ADD2: variants seen among roughly 807,000 people sequenced by gnomAD.
ADD2 encodes the protein beta-adducin.
ADD2 carries 23 observed loss-of-function variants against 83.0 expected under a neutral mutation model. The observed-to-expected ratio is 0.28, with a 90% CI of 0.20 to 0.39. The LOEUF (loss-of-function observed/expected upper bound fraction) is 0.39. ADD2 is among the 10% of genes least tolerant of loss of function. ADD2 has a pLI of 1.00. For missense variants in ADD2, 758 were observed against 944.9 expected, an observed-to-expected ratio of 0.80 and a Z score of 2.59; for synonymous variants, 375 against 375.4, an observed-to-expected ratio of 1.00 and a Z score of 0.01.
intron 1 of ADD2, among the ~76,000 whole-genome samples, chr2:70,743,138 G>A (rs1255987056): frequency 6.6e-6 from 1 of 152,150 alleles, no homozygotes; most frequent in Non-Finnish European, 1.5e-5. Context: ...AGACTGGTCA[G>A]CGTCCATAGC....
At chr2:70,716,204 G>A (rs1672458976) in intron 1 of ADD2, among the ~76,000 whole-genome samples, 1 of 152,020 alleles carries the variant, frequency 6.6e-6, no homozygotes, top group South Asian at 2.1e-4. Context: ...ATGCCCAGCT[G>A]GGAGCTGTGC....
rs1413479148 is a variant in ADD2 at position 70,659,839 on chromosome 2, TCTC to T, written c.*3583_*3585del. 1 of 152,290 alleles carries T rather than the reference TCTC, an allele frequency of 6.6e-6. No individual in the cohort carries two copies. Among genetic ancestry groups the T allele is most frequent in the Non-Finnish European group, 1.5e-5 (1 of 68,132 alleles). 9.4% of individuals were successfully genotyped at this position (152,290 alleles called of 1,614,324 possible). A position where few individuals can be genotyped will look rare whatever the true frequency, so the allele number is the denominator to read the frequency against. On this transcript the variant is annotated 3_prime_UTR_variant, in exon 16 of 16. Transcript: ENST00000264436. ...GAAACCACTAATCCTTCTTGTCCTC[TCTC>T]CTCCTGCCTGCCTTGCGATGGAAAT... is the stretch of plus-strand genomic sequence containing the variant.
intron 4 of ADD2, 108 bp from the exon 5 acceptor site, chr2:70,696,504 C>A: frequency 1.4e-6 from 2 of 1,431,380 alleles, no homozygotes; most frequent in Non-Finnish European, 1.9e-6. Context: ...CAGGAGACTT[C>A]CCCAGGCAGG....
intron 1 of ADD2, among the ~76,000 whole-genome samples, chr2:70,761,328 G>C (rs1241920277): frequency 6.6e-6 from 1 of 151,198 alleles, no homozygotes; most frequent in Non-Finnish European, 1.5e-5. Context: ...AGAAATTAAA[G>C]CTGGGCACAG....
intron 15 of ADD2, among the ~76,000 whole-genome samples, chr2:70,666,124 T>A (rs1417604957): frequency 6.6e-6 from 1 of 152,240 alleles, no homozygotes; most frequent in Non-Finnish European, 1.5e-5. Context: ...CACACTTGTT[T>A]TTTATGCCTA....
intron 7 of ADD2, among the ~76,000 whole-genome samples, chr2:70,691,407 T>C (rs1294363612): frequency 3.9e-5 from 6 of 152,078 alleles, no homozygotes. Context: ...AGAGGCCCAT[T>C]GAAAAGTCCC....
chr2:70,744,784 G>C (rs1674096355), intron 1 of ADD2, among the ~76,000 whole-genome samples: 1 of 152,280 alleles, frequency 6.6e-6, no homozygotes, highest in Middle Eastern at 3.4e-3. Flanking sequence ...GGGCGTGTGG[G>C]GGTCAGTTAG....
At chr2:70,699,193 G>A (rs1236396101) in intron 4 of ADD2, among the ~76,000 whole-genome samples, 2 of 152,052 alleles carry the variant, frequency 1.3e-5, no homozygotes, top group Admixed American at 1.3e-4. Context: ...CAGAGAGCCC[G>A]GCTATAGATA....
At chr2:70,726,239 G>C (rs1672997537) in intron 1 of ADD2, among the ~76,000 whole-genome samples, 1 of 143,876 alleles carries the variant, frequency 7.0e-6, no homozygotes, top group Non-Finnish European at 1.5e-5. Context: ...GCAGCACCAT[G>C]ATGACAAAGG....
intron 1 of ADD2, among the ~76,000 whole-genome samples, chr2:70,716,314 T>C (rs1558554860): frequency 6.6e-6 from 1 of 152,130 alleles, no homozygotes; most frequent in Non-Finnish European, 1.5e-5. Flanking sequence ...CTGACCTCTC[T>C]GCATTTGCCC....
chr2:70,741,224 T>C (rs868946550), intron 1 of ADD2: 2 of 152,212 alleles, frequency 1.3e-5, no homozygotes, highest in Admixed American at 6.5e-5. Context: ...CAGTAGCTTA[T>C]AGAAAGAAAC....
intron 6 of ADD2, among the ~76,000 whole-genome samples, chr2:70,694,113 T>G (rs1205568899): frequency 6.6e-6 from 1 of 152,222 alleles, no homozygotes; most frequent in Non-Finnish European, 1.5e-5. Flanking sequence ...GCCCTATGTC[T>G]ACACACAATT....
chr2:70,671,361 T>A (rs782757911), intron 15 of ADD2, among the ~76,000 whole-genome samples: 6 of 152,114 alleles, frequency 3.9e-5, no homozygotes, highest in Non-Finnish European at 8.8e-5. Flanking sequence ...TGTGTGTATA[T>A]CCACATCTCA....
intron 1 of ADD2, among the ~76,000 whole-genome samples, chr2:70,755,504 G>A (rs1000067782): frequency 6.6e-6 from 1 of 152,142 alleles, no homozygotes; most frequent in Non-Finnish European, 1.5e-5. Flanking sequence ...CTCCTCACTA[G>A]AGTGTAAACT....
chr2:70,738,283 C>G (rs1673692474), intron 1 of ADD2, among the ~76,000 whole-genome samples: 1 of 152,114 alleles, frequency 6.6e-6, no homozygotes, highest in South Asian at 2.1e-4. Flanking sequence ...AACGTCAATT[C>G]ACACACAAAA....
At chr2:70,663,872 A>G (rs1370668671) in intron 15 of ADD2, 137 bp from the exon 16 acceptor site, 1 of 927,226 alleles carries the variant, frequency 1.1e-6, no homozygotes, top group Non-Finnish European at 1.6e-6. Flanking sequence ...ATGTTGAGGG[A>G]TGGCTACCAG....
chr2:70,709,389 G>C (rs7597977), intron 2 of ADD2, among the ~76,000 whole-genome samples: 45,327 of 151,882 alleles, frequency 0.3, 7,194 homozygotes, highest in East Asian at 0.45. Context: ...CTGCTAGAAT[G>C]GTTGTGGTCA....
intron 8 of ADD2, 115 bp downstream of exon 8, chr2:70,690,670 TC>T (rs1670979267): frequency 1.1e-5 from 13 of 1,236,076 alleles, no homozygotes; most frequent in Non-Finnish European, 9.9e-6. Flanking sequence ...TAGAGATCTT[TC>T]TTTTTTTTCC....
chr2:70,704,271 C>CCCCCCCCCCCCCCCCAA, intron 4 of ADD2, 50 bp downstream of exon 4: 1 of 1,279,030 alleles, frequency 7.8e-7, no homozygotes, highest in Non-Finnish European at 1.1e-6. Context: ...CTTCCCCACC[C>CCCCCCCCCCCCCCCCAA]CACCCTCCCC....
Sources: gnomAD v4.1 joint callset for allele counts (sites outside exome capture counted in the v4.1 genomes callset) on GRCh38, gnomAD v4.1.1 for gene constraint, MANE v1.5 for transcripts, NCBI Gene and HGNC (gene_info 2026-07-23, HGNC 2026-07-21) for gene names.